The following TCF7L2 variants were observed in gnomAD, a reference collection of about 807,000 sequenced individuals.
The protein encoded by TCF7L2 is transcription factor 7-like 2.
In TCF7L2, 23 loss-of-function variants were observed where a neutral mutation model predicts 77.9. That is an observed-to-expected ratio of 0.30 (90% CI 0.21 to 0.42). TCF7L2 has a LOEUF of 0.42. Among genes scored for constraint, TCF7L2 ranks in the 10% least tolerant of loss-of-function variants. The pLI is 1.00. For synonymous variants in TCF7L2, 413 were observed against 340.2 expected (o/e 1.21, Z -2.36); for missense variants, 654 against 793.1 (o/e 0.82, Z 2.11).
chr10:112,953,259 G>T (rs185699463), intron 3 of TCF7L2, among the ~76,000 whole-genome samples: 2 of 152,094 alleles, frequency 1.3e-5, no homozygotes, highest in African/African-American at 4.8e-5. Context: ...TTCCCCCCCT[G>T]CCCGGCGCCC....
intron 4 of TCF7L2, among the ~76,000 whole-genome samples, chr10:113,005,405 A>G (rs2045360032): frequency 6.6e-6 from 1 of 152,098 alleles, no homozygotes; most frequent in African/African-American, 2.4e-5. Flanking sequence ...AAATTTTCTC[A>G]CTGTAGGCAG....
chr10:113,028,035 C>T (rs2049517819), intron 4 of TCF7L2, among the ~76,000 whole-genome samples: 1 of 152,146 alleles, frequency 6.6e-6, no homozygotes, highest in Non-Finnish European at 1.5e-5. Flanking sequence ...TTTTACTGTG[C>T]CTAATGGACA....
chr10:112,964,983 C>A (rs2036403634), intron 4 of TCF7L2, among the ~76,000 whole-genome samples: 2 of 152,014 alleles, frequency 1.3e-5, no homozygotes, highest in Non-Finnish European at 2.9e-5. Flanking sequence ...TACTGTTTTT[C>A]TTTGCTTAGG....
chr10:113,068,832 G>T (rs775429330), intron 5 of TCF7L2, among the ~76,000 whole-genome samples: 1 of 151,600 alleles, frequency 6.6e-6, no homozygotes, highest in African/African-American at 2.4e-5. Flanking sequence ...TTGGCCATTC[G>T]CATGCTGCCA....
At chr10:112,979,795 TCA>T in intron 4 of TCF7L2, among the ~76,000 whole-genome samples, 1 of 152,002 alleles carries the variant, frequency 6.6e-6, no homozygotes, top group South Asian at 2.1e-4. Flanking sequence ...AACGAAGACC[TCA>T]CAGTTATGTT....
intron 4 of TCF7L2, among the ~76,000 whole-genome samples, chr10:113,007,285 A>G (rs1381784654): frequency 6.6e-6 from 1 of 152,182 alleles, no homozygotes; most frequent in East Asian, 1.9e-4. Flanking sequence ...TGTGTCCCTG[A>G]GGCCTCCGTC....
chr10:113,081,148 T>C (rs541932643), intron 5 of TCF7L2, among the ~76,000 whole-genome samples: 1 of 152,362 alleles, frequency 6.6e-6, no homozygotes, highest in East Asian at 1.9e-4. Context: ...GTTTTGACTT[T>C]GCAGTCCCAT....
At chr10:113,080,227 T>C (rs1372553760) in intron 5 of TCF7L2, among the ~76,000 whole-genome samples, 9 of 151,840 alleles carry the variant, frequency 5.9e-5, no homozygotes, top group Non-Finnish European at 7.4e-5. Context: ...CAAGAGATAA[T>C]TCATCCCAGA....
At chr10:113,040,509 G>T (rs2052257507) in intron 5 of TCF7L2, among the ~76,000 whole-genome samples, 1 of 152,046 alleles carries the variant, frequency 6.6e-6, no homozygotes, top group African/African-American at 2.4e-5. Context: ...CTCAAAAGGG[G>T]GTCCTGGATT....
At chr10:113,036,665 C>CTTCT (rs71489996) in intron 4 of TCF7L2, among the ~76,000 whole-genome samples, 4,816 of 150,900 alleles carry the variant, frequency 0.032, 207 homozygotes, top group African/African-American at 0.1. Flanking sequence ...CCAAGATGGC[C>CTTCT]TTCTTTCTTT....
At chr10:113,040,693 G>T (rs530179052) in intron 5 of TCF7L2, among the ~76,000 whole-genome samples, 1 of 152,212 alleles carries the variant, frequency 6.6e-6, no homozygotes, top group South Asian at 2.1e-4. Flanking sequence ...TTGAAAGTAT[G>T]TAGGTTTGAT....
At chr10:113,063,842 G>A (rs2056853895) in intron 5 of TCF7L2, among the ~76,000 whole-genome samples, 1 of 151,894 alleles carries the variant, frequency 6.6e-6, no homozygotes, top group Non-Finnish European at 1.5e-5. Context: ...CAGGCATGAG[G>A]AAGAGTAGGC....
chr10:113,072,864 C>T (rs148216143), intron 5 of TCF7L2, among the ~76,000 whole-genome samples: 178 of 152,248 alleles, frequency 1.2e-3, no homozygotes, highest in Non-Finnish European at 2.3e-3. Flanking sequence ...AGAAGCAGCA[C>T]GAGTCTCCAT....
intron 5 of TCF7L2, among the ~76,000 whole-genome samples, chr10:113,120,646 G>A (rs138854702): frequency 1.2e-4 from 18 of 152,078 alleles, no homozygotes; most frequent in African/African-American, 1.9e-4. Flanking sequence ...TCAAGGGGAC[G>A]TAGGAGGGTG....
At chr10:113,058,780 G>A (rs971864460) in intron 5 of TCF7L2, among the ~76,000 whole-genome samples, 1 of 152,140 alleles carries the variant, frequency 6.6e-6, no homozygotes, top group African/African-American at 2.4e-5. Context: ...AGACCCGCAA[G>A]CACAGAGTGA....
intron 5 of TCF7L2, chr10:113,129,388 G>A (rs1281558498): frequency 2.0e-6 from 2 of 993,006 alleles, no homozygotes; most frequent in African/African-American, 3.5e-5. Context: ...GGGTGAGGGA[G>A]GGGACTTTGC....
At chr10:113,014,428 A>G (rs2046991833) in intron 4 of TCF7L2, among the ~76,000 whole-genome samples, 1 of 152,170 alleles carries the variant, frequency 6.6e-6, no homozygotes, top group South Asian at 2.1e-4. Flanking sequence ...CCTTCTTGAC[A>G]TTGGGAGCTT....
At chr10:112,985,553 A>G (rs1237031631) in intron 4 of TCF7L2, among the ~76,000 whole-genome samples, 1 of 152,188 alleles carries the variant, frequency 6.6e-6, no homozygotes, top group East Asian at 1.9e-4. Context: ...TTGAGGAAAA[A>G]CAGTCTGAAG....
At chr10:113,117,088 A>C (rs1364569069) in intron 5 of TCF7L2, among the ~76,000 whole-genome samples, 4 of 152,202 alleles carry the variant, frequency 2.6e-5, no homozygotes, top group Non-Finnish European at 4.4e-5. Context: ...TTCAGATTTT[A>C]GGTTTTAGAA....
Sources: gnomAD v4.1 joint callset for allele counts (sites outside exome capture counted in the v4.1 genomes callset) on GRCh38, gnomAD v4.1.1 for gene constraint, MANE v1.5 for transcripts, NCBI Gene and HGNC (gene_info 2026-07-23, HGNC 2026-07-21) for gene names.